The following CNIH3 variants were observed in gnomAD, a reference collection of about 807,000 sequenced individuals.
CNIH3 encodes cornichon family AMPA receptor auxiliary protein 3.
Under a neutral mutation model 24.1 loss-of-function variants are expected in CNIH3, and 14 were observed. That is an observed-to-expected ratio of 0.58 (90% CI 0.38 to 0.91). The LOEUF (loss-of-function observed/expected upper bound fraction) is 0.91, where lower values mean the gene tolerates loss of function less well. CNIH3 is among the 40% of genes least tolerant of loss of function. The pLI, the probability that CNIH3 is intolerant of heterozygous loss-of-function variation, is 0.00. For synonymous variants in CNIH3, 68 were observed against 73.8 expected (o/e 0.92, Z 0.40); for missense variants, 178 against 196.8 (o/e 0.90, Z 0.57).
intron 4 of CNIH3, among the ~76,000 whole-genome samples, chr1:224,579,075 T>C (rs1384746045): frequency 2.6e-5 from 4 of 151,868 alleles, no homozygotes; most frequent in Non-Finnish European, 4.4e-5. Context: ...TTCTTTTTTT[T>C]TTTTTCTTTC....
chr1:224,554,160 G>A (rs962698125), intron 3 of CNIH3, among the ~76,000 whole-genome samples: 1 of 152,124 alleles, frequency 6.6e-6, no homozygotes, highest in African/African-American at 2.4e-5. Context: ...CCTGTCTGGC[G>A]CTTGACCCTG....
downstream of CNIH3, among the ~76,000 whole-genome samples, chr1:224,538,719 G>T (rs1371384087): frequency 2.0e-5 from 3 of 150,570 alleles, no homozygotes; most frequent in Admixed American, 2.0e-4. Context: ...GAATGTAGTG[G>T]TGCAATCAGA....
chr1:224,544,478 T>C (rs1303295086), intron 2 of CNIH3, among the ~76,000 whole-genome samples: 1 of 152,212 alleles, frequency 6.6e-6, no homozygotes, highest in East Asian at 1.9e-4. Flanking sequence ...ATTTTGTTTA[T>C]TCAGGGAAGC....
At chr1:224,489,702 G>C (rs978334194) in intron 1 of CNIH3, among the ~76,000 whole-genome samples, 1 of 152,142 alleles carries the variant, frequency 6.6e-6, no homozygotes, top group African/African-American at 2.4e-5. Context: ...TAGTCCATTT[G>C]GGCTGCTGTA....
At chr1:224,721,263 G>A (rs895805540) in intron 3 of CNIH3, among the ~76,000 whole-genome samples, 1 of 152,076 alleles carries the variant, frequency 6.6e-6, no homozygotes, top group African/African-American at 2.4e-5. Context: ...CCGGAATAAG[G>A]CTTGTTGAAC....
intron 2 of CNIH3, among the ~76,000 whole-genome samples, chr1:224,545,364 G>T (rs698279): frequency 0.93 from 141,232 of 152,280 alleles, 65,594 homozygotes; most frequent in African/African-American, 0.98. Context: ...AACGTTCAGA[G>T]TCTACAATGA....
chr1:224,609,633 G>C (rs981182927), intron 3 of CNIH3, among the ~76,000 whole-genome samples: 16 of 152,240 alleles, frequency 1.1e-4, no homozygotes, highest in African/African-American at 3.9e-4. Flanking sequence ...CATTTATGGG[G>C]GAAAATACTG....
At chr1:224,624,311 C>T (rs1683415897) in intron 1 of CNIH3, among the ~76,000 whole-genome samples, 1 of 152,162 alleles carries the variant, frequency 6.6e-6, no homozygotes, top group Non-Finnish European at 1.5e-5. Context: ...CCCTGTTTCT[C>T]CTCCATCTCC....
At chr1:224,720,803 A>G (rs1230342100) in intron 3 of CNIH3, among the ~76,000 whole-genome samples, 1 of 152,162 alleles carries the variant, frequency 6.6e-6, no homozygotes, top group Non-Finnish European at 1.5e-5. Context: ...TCCAGTCGCC[A>G]TGTCGTTCCC....
At chr1:224,575,623 T>A (rs1257142496) in intron 4 of CNIH3, among the ~76,000 whole-genome samples, 1 of 152,008 alleles carries the variant, frequency 6.6e-6, no homozygotes, top group Admixed American at 6.6e-5. Context: ...CTGAATACCC[T>A]TTTCTGACCA....
downstream of CNIH3, among the ~76,000 whole-genome samples, chr1:224,539,118 A>G (rs1490554782): frequency 6.6e-6 from 1 of 152,106 alleles, no homozygotes; most frequent in Non-Finnish European, 1.5e-5. Context: ...ATATTTTCCC[A>G]TGCATTTCTC....
chr1:224,650,974 A>G (rs1406252303), intron 1 of CNIH3, among the ~76,000 whole-genome samples: 6 of 152,118 alleles, frequency 3.9e-5, no homozygotes, highest in African/African-American at 2.4e-5. Flanking sequence ...GCAAGTCCTC[A>G]GTTTTCTGTG....
At chr1:224,640,125 A>G (rs1024292276) in intron 1 of CNIH3, among the ~76,000 whole-genome samples, 2 of 152,114 alleles carry the variant, frequency 1.3e-5, no homozygotes, top group Admixed American at 6.5e-5. Flanking sequence ...CTCCGTGTGG[A>G]TGTGAGGTTT....
chr1:224,560,582 G>A (rs1383406535), intron 3 of CNIH3, among the ~76,000 whole-genome samples: 3 of 152,052 alleles, frequency 2.0e-5, no homozygotes, highest in South Asian at 4.2e-4. Context: ...ATTCTCATAG[G>A]AGCGTGAACC....
chr1:224,636,827 G>T (rs12145463), intron 1 of CNIH3, among the ~76,000 whole-genome samples: 47,874 of 152,030 alleles, frequency 0.31, 9,494 homozygotes, highest in African/African-American at 0.57. Context: ...TTAAGATATT[G>T]CTTAGCCCTG....
At chr1:224,659,407 T>C (rs1372997226) in intron 1 of CNIH3, among the ~76,000 whole-genome samples, 3 of 152,254 alleles carry the variant, frequency 2.0e-5, no homozygotes, top group Non-Finnish European at 2.9e-5. Flanking sequence ...ATAGAAATTC[T>C]CTTAGTAAAA....
chr1:224,700,729 C>G (rs1351819995), intron 3 of CNIH3, among the ~76,000 whole-genome samples: 1 of 152,212 alleles, frequency 6.6e-6, no homozygotes, highest in Non-Finnish European at 1.5e-5. Flanking sequence ...GGTCCTGCCT[C>G]TCCATGCTAC....
At chr1:224,597,056 G>T (rs113428958) in intron 3 of CNIH3, among the ~76,000 whole-genome samples, 33 of 152,184 alleles carry the variant, frequency 2.2e-4, no homozygotes, top group African/African-American at 6.7e-4. Context: ...GGATGCTGAC[G>T]CAGGAGAATT....
At chr1:224,578,080 A>G (rs1344319804) in intron 4 of CNIH3, among the ~76,000 whole-genome samples, 1 of 152,068 alleles carries the variant, frequency 6.6e-6, no homozygotes, top group African/African-American at 2.4e-5. Context: ...CACTGCTCGG[A>G]TGAAGGGTGG....
Sources: gnomAD v4.1 joint callset for allele counts (sites outside exome capture counted in the v4.1 genomes callset) on GRCh38, gnomAD v4.1.1 for gene constraint, MANE v1.5 for transcripts, NCBI Gene and HGNC (gene_info 2026-07-23, HGNC 2026-07-21) for gene names.